COBLL1: variants seen among roughly 807,000 people sequenced by gnomAD.
COBLL1 encodes cordon-bleu protein-like 1.
Under a neutral mutation model 94.8 loss-of-function variants are expected in COBLL1, and 50 were observed. The ratio of observed to expected loss-of-function variants is 0.53; its 90% CI spans 0.42 to 0.67. The LOEUF is 0.67. Ranked by LOEUF, COBLL1 falls within the 30% of genes least tolerant of loss-of-function variation. The pLI is 0.00. For missense variants in COBLL1, 1,362 were observed against 1,348.7 expected, an observed-to-expected ratio of 1.01 and a Z score of -0.15; for synonymous variants, 448 against 473.8, an observed-to-expected ratio of 0.95 and a Z score of 0.71.
intron 2 of COBLL1, among the ~76,000 whole-genome samples, chr2:164,811,729 A>G (rs59462340): frequency 0.17 from 25,561 of 151,856 alleles, 2,253 homozygotes; most frequent in Middle Eastern, 0.22. Context: ...GAACAGCCAA[A>G]AAAGTATATT....
At chr2:164,691,702 G>A (rs1683601388) in intron 13 of COBLL1, among the ~76,000 whole-genome samples, 1 of 152,152 alleles carries the variant, frequency 6.6e-6, no homozygotes, top group Non-Finnish European at 1.5e-5. Flanking sequence ...GGAGGAGCTA[G>A]ACAACTTTGG....
intron 2 of COBLL1, among the ~76,000 whole-genome samples, chr2:164,784,123 T>C (rs1257444871): frequency 6.6e-6 from 1 of 152,200 alleles, no homozygotes; most frequent in African/African-American, 2.4e-5. Context: ...TTCTCAGGCT[T>C]CCTTTCTCTC....
intron 2 of COBLL1, among the ~76,000 whole-genome samples, chr2:164,663,131 T>C (rs1428183385): frequency 6.6e-6 from 1 of 152,232 alleles, no homozygotes; most frequent in East Asian, 1.9e-4. Flanking sequence ...TGTTTTATCA[T>C]GTTTTATTGC....
downstream of COBLL1, among the ~76,000 whole-genome samples, chr2:164,677,432 G>A (rs184341554): frequency 1.6e-3 from 246 of 152,170 alleles, 1 homozygote; most frequent in Middle Eastern, 3.4e-3. Flanking sequence ...TGTAATTGAG[G>A]AAAGTTTAAA....
At chr2:164,788,291 A>G (rs1682983502) in intron 2 of COBLL1, among the ~76,000 whole-genome samples, 3 of 152,214 alleles carry the variant, frequency 2.0e-5, no homozygotes, top group Non-Finnish European at 4.4e-5. Context: ...TTTCTTTTCT[A>G]AGAAAGACTG....
rs117456878 is a variant in COBLL1, at chr2:164,695,653, T to C, written c.1739A>G (p.His580Arg). ...ATCTGGTACTGATGAAGCTGCTAGATGGTTTTCCTTGTAACTTATAGCAGT... is the reference window on the plus strand; with the variant it reads ...ATCTGGTACTGATGAAGCTGCTAGACGGTTTTCCTTGTAACTTATAGCAGT... ...TDTAISYKEN[H>R]LAASSVPDQK... Residue 580 changes from histidine to arginine, a missense_variant, in exon 12 of 14, where the codon CAT becomes CGT. Physicochemically the swap from His to Arg is conservative, Grantham distance 29. Transcript: ENST00000652658. 2.0e-5 allele frequency: 32 copies of C among 1,613,926 alleles called. No individual in the cohort carries two copies. The East Asian group carries it at 4.0e-4, about 20-fold the overall frequency.
intron 7 of COBLL1, among the ~76,000 whole-genome samples, chr2:164,719,053 C>T (rs925217077): frequency 6.6e-6 from 1 of 152,030 alleles, no homozygotes; most frequent in African/African-American, 2.4e-5. Flanking sequence ...AATGCAGCAG[C>T]TTGCCACGTT....
intron 7 of COBLL1, among the ~76,000 whole-genome samples, chr2:164,706,097 C>T (rs115862987): frequency 0.019 from 2,930 of 152,188 alleles, 54 homozygotes; most frequent in Non-Finnish European, 0.032. Flanking sequence ...TCTCTTATCC[C>T]ACTTGAATCC....
intron 1 of COBLL1, among the ~76,000 whole-genome samples, chr2:164,667,984 G>C (rs1426700735): frequency 1.5e-5 from 2 of 133,630 alleles, no homozygotes; most frequent in South Asian, 2.3e-4. Flanking sequence ...TCACTCTATC[G>C]CCCAGGCTGG....
At chr2:164,677,461 C>CA (rs1251484525), downstream of COBLL1, among the ~76,000 whole-genome samples, 1 of 152,120 alleles carries the variant, frequency 6.6e-6, no homozygotes, top group Non-Finnish European at 1.5e-5. Flanking sequence ...TATTATGGGA[C>CA]AACAAAACAT....
intron 11 of COBLL1, 179 bp from the exon 12 acceptor site, chr2:164,696,015 A>G: frequency 1.9e-6 from 1 of 536,970 alleles, no homozygotes; most frequent in Non-Finnish European, 3.2e-6. Flanking sequence ...CTTTGGATTC[A>G]TACAGACTGA....
chr2:164,704,544 A>C, intron 8 of COBLL1, 26 bp from the exon 9 acceptor site: 10 of 1,524,338 alleles, frequency 6.6e-6, no homozygotes, highest in Non-Finnish European at 9.1e-6. Flanking sequence ...AACACAACTT[A>C]TAAAGTCATA....
chr2:164,703,266 G>T, intron 9 of COBLL1: 1 of 1,274,892 alleles, frequency 7.8e-7, no homozygotes, highest in Non-Finnish European at 1.1e-6. Flanking sequence ...AGACAACAGA[G>T]TTAAGGCAAG....
chr2:164,755,581 C>A (rs1687358128), intron 2 of COBLL1, among the ~76,000 whole-genome samples: 1 of 152,076 alleles, frequency 6.6e-6, no homozygotes, highest in Admixed American at 6.5e-5. Context: ...ATCATTAGAC[C>A]TTTGAGAATA....
rs766426586 is a variant in COBLL1, at chr2:164,694,629, T to C, written c.2763A>G (p.Lys921=). 1 of 1,613,836 alleles carries C rather than the reference T, an allele frequency of 6.2e-7. No homozygotes were observed. The highest frequency in any genetic ancestry group is 1.7e-5 in the Admixed American group (1 of 59,934). Residue 921 remains lysine (K), a synonymous_variant, in exon 12 of 14, where the codon AAA becomes AAG. Transcript: ENST00000652658. ...SPEQTLSPLS[K]MPHSVPQPLV... ...GGGGTTGTGGAACAGAGTGAGGCAT[T>C]TTACTTAAGGGAGAAAGAGTCTGCT...
chr2:164,736,209 A>G (rs1686300780), intron 3 of COBLL1, among the ~76,000 whole-genome samples: 1 of 152,178 alleles, frequency 6.6e-6, no homozygotes, highest in South Asian at 2.1e-4. Context: ...TACCAGTAAT[A>G]GTACAGAAAT....
rs1683787281 is a variant in COBLL1, at chr2:164,694,415, C to T, written c.2977G>A (p.Val993Met). Residue 993 changes from valine to methionine, a missense_variant, in exon 12 of 14, where the codon GTG becomes ATG. Coordinates refer to ENST00000652658, the MANE Select transcript of COBLL1 (RefSeq NM_001365672.2). ...SGPSPFALAV[V>M]KRSQSFSKER... The stretch of plus-strand genomic sequence containing the variant: ...TTACTGAAAGACTGTGACCTTTTCA[C>T]TACAGCAAGAGCAAACGGTGAAGGA... 1 of 1,613,812 alleles carries T rather than the reference C, an allele frequency of 6.2e-7. No individual in the cohort carries two copies. The highest frequency in any genetic ancestry group is 1.3e-5 in the African/African-American group (1 of 74,890).
At chr2:164,739,216 T>C (rs998118150) in intron 3 of COBLL1, among the ~76,000 whole-genome samples, 1 of 152,142 alleles carries the variant, frequency 6.6e-6, no homozygotes, top group Non-Finnish European at 1.5e-5. Context: ...GCTACCAACC[T>C]AATTCAGGAT....
chr2:164,802,924 C>T (rs982971983), intron 2 of COBLL1, among the ~76,000 whole-genome samples: 32 of 152,188 alleles, frequency 2.1e-4, no homozygotes, highest in Non-Finnish European at 1.3e-4. Context: ...TTTTCCAAAA[C>T]TAAATAATCA....
Sources: allele counts gnomAD v4.1 joint callset (sites outside exome capture counted in the v4.1 genomes callset), GRCh38; gene constraint gnomAD v4.1.1; transcripts MANE v1.5; gene names NCBI Gene and HGNC (gene_info 2026-07-23, HGNC 2026-07-21).